The following SOX6 variants were observed in gnomAD, a reference collection of about 807,000 sequenced individuals.
SOX6 encodes SRY-box transcription factor 6.
Under a neutral mutation model 97.8 loss-of-function variants are expected in SOX6, and 11 were observed. The ratio of observed to expected loss-of-function variants is 0.11; its 90% CI spans 0.07 to 0.19. The LOEUF is 0.19. Ranked by LOEUF, SOX6 falls within the 10% of genes least tolerant of loss-of-function variation. The pLI, the probability that SOX6 is intolerant of heterozygous loss-of-function variation, is 1.00. For missense variants in SOX6, 810 were observed against 1,039.5 expected (o/e 0.78, Z 3.04); for synonymous variants, 360 against 371.4 (o/e 0.97, Z 0.35).
At chr11:16,154,996 G>T (rs1412506648) in intron 6 of SOX6, among the ~76,000 whole-genome samples, 3 of 151,686 alleles carry the variant, frequency 2.0e-5, no homozygotes, top group African/African-American at 7.3e-5. Flanking sequence ...TCTGTAGGTG[G>T]TCCTTGAACT....
At chr11:16,737,143 T>C (rs1157914105) in intron 1 of SOX6, among the ~76,000 whole-genome samples, 1 of 152,188 alleles carries the variant, frequency 6.6e-6, no homozygotes, top group Non-Finnish European at 1.5e-5. Flanking sequence ...TAGCTAAGCA[T>C]TGTTTCACAG....
At chr11:16,601,703 TAA>T (rs1408281107) in intron 4 of SOX6, among the ~76,000 whole-genome samples, 2 of 152,098 alleles carry the variant, frequency 1.3e-5, no homozygotes, top group Admixed American at 1.3e-4. Context: ...GAAAATTATT[TAA>T]AAGTCACTAA....
intron 4 of SOX6, among the ~76,000 whole-genome samples, chr11:16,551,130 G>C (rs1458265740): frequency 6.6e-6 from 1 of 152,128 alleles, no homozygotes; most frequent in Non-Finnish European, 1.5e-5. Context: ...AGGATAGCTT[G>C]AGCCTAGGAG....
chr11:16,679,987 G>C (rs541490350), intron 3 of SOX6, among the ~76,000 whole-genome samples: 8 of 152,312 alleles, frequency 5.3e-5, no homozygotes, highest in South Asian at 2.1e-4. Context: ...TGTCTGATTG[G>C]TGTAACTGAA....
rs531403661 is a variant in SOX6, at chr11:16,632,549, C to A, written n.430-20289G>T. ...AGTGGTCTGAGCTTCCTGCTCAGCC[C>A]TGGGGCAGGGTGAAGGGGCCACTAT... is the stretch of plus-strand genomic sequence containing the variant. On this transcript the variant is annotated intron_variant and non_coding_transcript_variant, in intron 3 of 5. Coordinates refer to the SOX6 transcript ENST00000524520. Among the ~76,000 whole-genome samples the A allele has an allele frequency of 2.0e-5, 3 of 152,302 alleles. No homozygotes were observed. In the East Asian group the frequency reaches 5.8e-4, roughly 29 times the overall value.
intron 4 of SOX6, among the ~76,000 whole-genome samples, chr11:16,601,544 CAA>C (rs1848269784): frequency 6.6e-6 from 1 of 152,040 alleles, no homozygotes; most frequent in African/African-American, 2.4e-5. Flanking sequence ...CTCTCACTAA[CAA>C]GAGAATGCTT....
intron 4 of SOX6, among the ~76,000 whole-genome samples, chr11:16,540,179 T>TA (rs1015468470): frequency 3.3e-5 from 5 of 152,134 alleles, no homozygotes; most frequent in Non-Finnish European, 7.3e-5. Flanking sequence ...CGCAAATCAA[T>TA]AAACATAATC....
intron 5 of SOX6, among the ~76,000 whole-genome samples, chr11:16,185,041 A>G (rs1851436059): frequency 6.6e-6 from 1 of 152,148 alleles, no homozygotes; most frequent in South Asian, 2.1e-4. Flanking sequence ...ATACTTCCCA[A>G]GCCTTTTTAA....
chr11:16,500,096 A>C (rs1486675672), intron 4 of SOX6, among the ~76,000 whole-genome samples: 2 of 152,212 alleles, frequency 1.3e-5, no homozygotes, highest in African/African-American at 4.8e-5. Context: ...GCAGCACATC[A>C]AAAAGCTTAT....
intron 7 of SOX6, among the ~76,000 whole-genome samples, chr11:16,106,715 C>T (rs1186544879): frequency 1.3e-5 from 2 of 151,928 alleles, no homozygotes; most frequent in African/African-American, 2.4e-5. Flanking sequence ...ATCAAAAGCA[C>T]AGGCACCAAA....
chr11:16,690,788 C>CTG (rs1848007437), intron 3 of SOX6, among the ~76,000 whole-genome samples: 1 of 152,126 alleles, frequency 6.6e-6, no homozygotes, highest in Non-Finnish European at 1.5e-5. Context: ...AATTTGTGGG[C>CTG]TGTGAGTATT....
intron 15 of SOX6, among the ~76,000 whole-genome samples, chr11:15,985,445 G>A (rs777062708): frequency 1.3e-5 from 2 of 151,986 alleles, no homozygotes; most frequent in Non-Finnish European, 2.9e-5. Flanking sequence ...TGGCCCTCTG[G>A]ATTTGCCACC....
chr11:16,375,959 A>G (rs1857631014), intron 1 of SOX6, among the ~76,000 whole-genome samples: 2 of 152,166 alleles, frequency 1.3e-5, no homozygotes, highest in South Asian at 4.1e-4. Context: ...GTTCTCACTC[A>G]TAAGTGGGAG....
chr11:16,278,181 T>C (rs1207472503), intron 3 of SOX6, among the ~76,000 whole-genome samples: 2 of 152,192 alleles, frequency 1.3e-5, no homozygotes, highest in East Asian at 1.9e-4. Context: ...CTATTTAGCC[T>C]AGCTTACTTC....
At chr11:16,144,000 A>T (rs979126389) in intron 6 of SOX6, among the ~76,000 whole-genome samples, 1 of 152,192 alleles carries the variant, frequency 6.6e-6, no homozygotes, top group Non-Finnish European at 1.5e-5. Flanking sequence ...CACCAGGCGG[A>T]CCTAATAGAC....
At chr11:16,261,944 G>A (rs1364915012) in intron 3 of SOX6, among the ~76,000 whole-genome samples, 1 of 151,872 alleles carries the variant, frequency 6.6e-6, no homozygotes, top group East Asian at 1.9e-4. Context: ...TTTTGAGGGG[G>A]GAATAGAAAA....
At chr11:16,297,939 A>G (rs1441741098) in intron 3 of SOX6, among the ~76,000 whole-genome samples, 1 of 152,164 alleles carries the variant, frequency 6.6e-6, no homozygotes, top group Non-Finnish European at 1.5e-5. Context: ...CTTTAGGACC[A>G]CTGGGTTTCA....
At chr11:16,527,792 C>G (rs545144648) in intron 4 of SOX6, among the ~76,000 whole-genome samples, 2 of 151,968 alleles carry the variant, frequency 1.3e-5, no homozygotes, top group South Asian at 2.1e-4. Flanking sequence ...CAAACAGAGA[C>G]AAGTAGAGCC....
intron 4 of SOX6, among the ~76,000 whole-genome samples, chr11:16,189,182 A>G (rs1851564606): frequency 6.6e-6 from 1 of 152,216 alleles, no homozygotes; most frequent in African/African-American, 2.4e-5. Flanking sequence ...GTTTAACCAA[A>G]TTTGGGTGCC....
Sources: gnomAD v4.1 joint callset for allele counts (sites outside exome capture counted in the v4.1 genomes callset) on GRCh38, gnomAD v4.1.1 for gene constraint, MANE v1.5 for transcripts, NCBI Gene and HGNC (gene_info 2026-07-23, HGNC 2026-07-21) for gene names.